The following ADGRG4 variants were observed in gnomAD, a reference collection of about 807,000 sequenced individuals.
The protein encoded by ADGRG4 is G protein-coupled receptor 112.
A neutral mutation model predicts 126.2 loss-of-function variants in ADGRG4; 122 were observed. That is an observed-to-expected ratio of 0.97 (90% CI 0.83 to 1.12). The LOEUF is 1.12. ADGRG4 is among the 50% of genes most tolerant of loss of function. The pLI is 0.00. For synonymous variants in ADGRG4, 943 were observed against 838.7 expected, an observed-to-expected ratio of 1.12 and a Z score of -2.15; for missense variants, 2,481 against 2,251.8, an observed-to-expected ratio of 1.10 and a Z score of -2.06.
chrX:136,326,285 G>A (rs2074872539), intron 5 of ADGRG4, among the ~76,000 whole-genome samples: 1 of 112,000 alleles, frequency 8.9e-6, no homozygotes, highest in African/African-American at 3.2e-5. Flanking sequence ...TTTTTTTTCA[G>A]AGGGTGCAGT....
At chrX:136,351,167 A>G (rs1176563333) in intron 6 of ADGRG4, among the ~76,000 whole-genome samples, 2 of 111,670 alleles carry the variant, frequency 1.8e-5, no homozygotes, top group Non-Finnish European at 3.8e-5. Flanking sequence ...CTGTTGGCCA[A>G]TGAGAGTGGA....
At chrX:136,329,325 G>T (rs1439830236) in intron 5 of ADGRG4, among the ~76,000 whole-genome samples, 1 of 111,998 alleles carries the variant, frequency 8.9e-6, no homozygotes, top group Non-Finnish European at 1.9e-5. Flanking sequence ...AGGTACATCT[G>T]CAACAAAATG....
chrX:136,320,480 C>G (rs938975161), intron 4 of ADGRG4, among the ~76,000 whole-genome samples: 11 of 112,260 alleles, frequency 9.8e-5, no homozygotes, highest in Non-Finnish European at 1.9e-4. Context: ...TTCTATCAAC[C>G]AAGTAGGCAA....
At chrX:136,303,352 C>T (rs2074714336) in intron 1 of ADGRG4, among the ~76,000 whole-genome samples, 1 of 111,171 alleles carries the variant, frequency 9.0e-6, no homozygotes, top group Non-Finnish European at 1.9e-5. Context: ...ACTCTGGAGG[C>T]TGAGGTGGGA....
intron 24 of ADGRG4, among the ~76,000 whole-genome samples, chrX:136,413,725 T>A (rs893665042): frequency 2.0e-5 from 2 of 101,737 alleles, no homozygotes; most frequent in Non-Finnish European, 3.9e-5. Context: ...GCTTTGTTTT[T>A]TTGTTTTTGT....
intron 15 of ADGRG4, among the ~76,000 whole-genome samples, chrX:136,380,604 C>CTTCTTCT (rs2075255782): frequency 5.4e-5 from 3 of 55,342 alleles, no homozygotes; most frequent in African/African-American, 2.1e-4. Flanking sequence ...CCTCCTCCTC[C>CTTCTTCT]TCTTCTTCTT....
At chrX:136,313,370 C>T (rs753597258) in intron 4 of ADGRG4, among the ~76,000 whole-genome samples, 2 of 112,174 alleles carry the variant, frequency 1.8e-5, no homozygotes, top group East Asian at 2.8e-4. Flanking sequence ...AAGTGATACT[C>T]CACTGTGGTT....
chrX:136,384,258 T>C (rs1488624193), intron 15 of ADGRG4, among the ~76,000 whole-genome samples: 1 of 110,503 alleles, frequency 9.0e-6, no homozygotes, highest in Non-Finnish European at 1.9e-5. Context: ...TATACACTTG[T>C]ATATTTTTTT....
chrX:136,387,224 A>G (rs1244478756), intron 15 of ADGRG4, among the ~76,000 whole-genome samples: 1 of 112,473 alleles, frequency 8.9e-6, no homozygotes, highest in African/African-American at 3.2e-5. Context: ...AGCTGTGAGC[A>G]TGCAGCAGAA....
chrX:136,359,704 C>T (rs1347015252), intron 11 of ADGRG4, among the ~76,000 whole-genome samples: 3 of 110,965 alleles, frequency 2.7e-5, no homozygotes, highest in Admixed American at 1.9e-4. Context: ...ATGGCCAATC[C>T]GTCAATGGAA....
At chrX:136,412,831 A>T (rs752714043) in intron 24 of ADGRG4, among the ~76,000 whole-genome samples, 2 of 111,625 alleles carry the variant, frequency 1.8e-5, no homozygotes, top group East Asian at 2.8e-4. Flanking sequence ...GAACTGGGGG[A>T]TGTAGTGAAC....
chrX:136,385,618 C>T (rs763919006), intron 15 of ADGRG4, among the ~76,000 whole-genome samples: 1 of 111,880 alleles, frequency 8.9e-6, no homozygotes, highest in Admixed American at 9.5e-5. Flanking sequence ...CATTGATTAT[C>T]TTTTAAAAAT....
rs1449845029 is a variant in ADGRG4, at chrX:136,348,933, A to G, written c.5227A>G (p.Arg1743Gly). The G allele has an allele frequency of 8.3e-7, 1 of 1,205,237 alleles. No individual in the cohort carries two copies. The highest frequency in any genetic ancestry group is 1.8e-5 in the African/African-American group (1 of 56,802). Residue 1743 changes from arginine (R) to glycine (G), a missense_variant, in exon 6 of 26, where the codon AGA (arginine) becomes GGA (glycine). Arg to Gly is a moderately radical substitution (Grantham distance 125). Coordinates refer to ENST00000394143, the MANE Select transcript of ADGRG4 (RefSeq NM_153834.4). ...GGTAGCTCTCACAGATACTTATTCC[A>G]GAATCACTGTTCCTGAAAATATGCT... ...TGVALTDTYS[R>G]ITVPENMLSP...
chrX:136,386,568 T>C (rs2075293540), intron 15 of ADGRG4, among the ~76,000 whole-genome samples: 1 of 112,179 alleles, frequency 8.9e-6, no homozygotes, highest in Non-Finnish European at 1.9e-5. Flanking sequence ...TGGGCCAAAA[T>C]TGCATATATC....
intron 20 of ADGRG4, among the ~76,000 whole-genome samples, chrX:136,399,490 G>C (rs1473713303): frequency 1.8e-5 from 2 of 110,554 alleles, no homozygotes; most frequent in Non-Finnish European, 3.8e-5. Context: ...AGCTCTACTT[G>C]GAATGGTTTC....
intron 5 of ADGRG4, among the ~76,000 whole-genome samples, chrX:136,333,458 G>A (rs1222482110): frequency 9.0e-6 from 1 of 110,878 alleles, no homozygotes. Flanking sequence ...TATATCTTTT[G>A]CAAATATTTC....
chrX:136,379,161 G>A (rs2075245035), intron 15 of ADGRG4, among the ~76,000 whole-genome samples: 1 of 111,510 alleles, frequency 9.0e-6, no homozygotes. Context: ...TTTATTTAGT[G>A]GATAGAGAGC....
At chrX:136,306,841 A>G in intron 3 of ADGRG4, among the ~76,000 whole-genome samples, 1 of 109,961 alleles carries the variant, frequency 9.1e-6, no homozygotes. Flanking sequence ...CAGCCTCTCA[A>G]GTAGCTAGAA....
chrX:136,328,924 A>G (rs946718720), intron 5 of ADGRG4, among the ~76,000 whole-genome samples: 12 of 111,508 alleles, frequency 1.1e-4, no homozygotes, highest in Non-Finnish European at 2.1e-4. Context: ...TCTTATTTGT[A>G]TTCTCCTTCA....
Sources: gnomAD v4.1 joint callset for allele counts (sites outside exome capture counted in the v4.1 genomes callset) on GRCh38, gnomAD v4.1.1 for gene constraint, MANE v1.5 for transcripts, NCBI Gene and HGNC (gene_info 2026-07-23, HGNC 2026-07-21) for gene names.